MGA: variants seen among roughly 807,000 people sequenced by gnomAD.
MGA encodes the protein MAX dimerization protein MGA.
Under a neutral mutation model 261.1 loss-of-function variants are expected in MGA, and 40 were observed. That is an observed-to-expected ratio of 0.15 (90% CI 0.12 to 0.20). The LOEUF is 0.20. MGA is among the 10% of genes least tolerant of loss of function. The probability of loss-of-function intolerance (pLI) is 1.00; values close to 1 mark genes in which losing one functional copy is unlikely to be tolerated. For synonymous variants in MGA, 1,302 were observed against 1,290.6 expected, an observed-to-expected ratio of 1.01 and a Z score of -0.19; for missense variants, 3,397 against 3,630.5, an observed-to-expected ratio of 0.94 and a Z score of 1.65.
intron 1 of MGA, among the ~76,000 whole-genome samples, chr15:41,663,716 C>T (rs1279443179): frequency 6.6e-6 from 1 of 152,016 alleles, no homozygotes; most frequent in Admixed American, 6.6e-5. Flanking sequence ...GGTGATTCGC[C>T]CGCCTCAGCC....
chr15:41,646,670 G>A (rs1278231893), intron 1 of MGA, among the ~76,000 whole-genome samples: 5 of 151,844 alleles, frequency 3.3e-5, no homozygotes, highest in African/African-American at 1.2e-4. Context: ...AGATCATGCC[G>A]CTGTACTCCA....
At chr15:41,736,118 C>A in intron 12 of MGA, 63 bp from the exon 13 acceptor site, 2 of 1,327,774 alleles carry the variant, frequency 1.5e-6, no homozygotes, top group Admixed American at 3.0e-5. Context: ...GAGTTTCATA[C>A]AAAATGCTGT....
chr15:41,741,114 C>T lies in MGA; in HGVS notation c.4585+911C>T, dbSNP rs762954174. ...CTGTAATTCCAGCACTTTGGGAGGCCGAGGCGGGTGGATCACGAGGTCAAG... is the reference window on the plus strand; with the variant it reads ...CTGTAATTCCAGCACTTTGGGAGGCTGAGGCGGGTGGATCACGAGGTCAAG... On this transcript the variant is annotated intron_variant, in intron 14 of 23. Coordinates refer to ENST00000219905, the MANE Select transcript of MGA (RefSeq NM_001164273.2). Among the ~76,000 whole-genome samples the T allele has an allele frequency of 1.3e-4, 20 of 151,966 alleles. No homozygotes were observed. The East Asian group carries it at 1.4e-3, about 10-fold the overall frequency.
At position 41,749,389 on chromosome 15, in the gene MGA, G is replaced by C; in HGVS notation, c.5782G>C (p.Gly1928Arg). ...AACCAAAATAACTTATAGCTCAGGA[G>C]GACAGCCTGTTGGTACAGCCAGTCT... Residue 1928 changes from glycine to arginine, a missense_variant, in exon 17 of 24, where the codon GGA becomes CGA. Gly to Arg is a moderately radical substitution (Grantham distance 125). This residue lies in a region of MGA where 1,410 missense variants were observed against 1,386.4 expected (regional missense o/e 1.02). Transcript: ENST00000219905. The C allele has an allele frequency of 6.2e-7, 1 of 1,613,998 alleles. No individual in the cohort carries two copies. The highest frequency in any genetic ancestry group is 8.5e-7 in the Non-Finnish European group (1 of 1,179,894).
At chr15:41,623,465 C>G (rs2056359208) in intron 1 of MGA, among the ~76,000 whole-genome samples, 1 of 151,960 alleles carries the variant, frequency 6.6e-6, no homozygotes, top group African/African-American at 2.4e-5. Flanking sequence ...AATAAAATTG[C>G]CGGGTGTGGT....
chr15:41,730,794 A>G (rs1466824450), intron 11 of MGA, among the ~76,000 whole-genome samples: 5 of 152,188 alleles, frequency 3.3e-5, no homozygotes, highest in African/African-American at 1.2e-4. Flanking sequence ...ATAATATTCA[A>G]AGTAAATCCC....
intron 14 of MGA, among the ~76,000 whole-genome samples, 158 bp downstream of exon 14, chr15:41,740,361 T>G (rs2062024952): frequency 6.6e-6 from 1 of 152,184 alleles, no homozygotes; most frequent in African/African-American, 2.4e-5. Context: ...TTGTTTGGGG[T>G]TAACGTCTGA....
intron 2 of MGA, among the ~76,000 whole-genome samples, chr15:41,685,281 G>GT (rs1172602527): frequency 1.3e-5 from 2 of 152,148 alleles, no homozygotes; most frequent in African/African-American, 4.8e-5. Context: ...GCACAGGTAG[G>GT]TTTATTTTAT....
chr15:41,626,445 G>A (rs544051905), intron 1 of MGA, among the ~76,000 whole-genome samples: 15 of 151,854 alleles, frequency 9.9e-5, no homozygotes, highest in African/African-American at 2.9e-4. Flanking sequence ...TTTTTTAGAC[G>A]GAGTTTTACT....
At chr15:41,660,692 C>T (rs1003887880) in intron 1 of MGA, among the ~76,000 whole-genome samples, 167 bp downstream of exon 1, 15 of 152,202 alleles carry the variant, frequency 9.9e-5, no homozygotes, top group Non-Finnish European at 1.9e-4. Flanking sequence ...TTTGGCGCGC[C>T]CCTGTGGTCC....
chr15:41,720,488 T>C (rs2060881723), intron 9 of MGA, among the ~76,000 whole-genome samples: 1 of 152,170 alleles, frequency 6.6e-6, no homozygotes, highest in South Asian at 2.1e-4. Flanking sequence ...TGAGCCGTGA[T>C]AGTGCCACTG....
At chr15:41,688,189 C>T (rs1435852144) in intron 2 of MGA, among the ~76,000 whole-genome samples, 2 of 152,254 alleles carry the variant, frequency 1.3e-5, no homozygotes, top group African/African-American at 4.8e-5. Context: ...GATTCTCCTG[C>T]CTCAGCTTCC....
intron 5 of MGA, 95 bp from the exon 6 acceptor site, chr15:41,707,633 C>G (rs946640056): frequency 5.9e-6 from 7 of 1,192,650 alleles, no homozygotes; most frequent in Non-Finnish European, 8.1e-6. Context: ...GACCTTACCC[C>G]CCCGCCATCT....
chr15:41,635,587 G>A lies in MGA; in HGVS notation c.-68+14289G>A, dbSNP rs140750710. 5.2e-3 allele frequency among the ~76,000 whole-genome samples: 791 copies of A among 151,464 alleles called. 10 individuals are homozygous for A. The highest frequency in any genetic ancestry group is 0.018 in the African/African-American group (757 of 41,292). ...GGCATGTGCCTGTGGGCCCAGGTACGTGGGAGGCTGAGGTGAGTGGATTGC... is the reference window on the plus strand; with the variant it reads ...GGCATGTGCCTGTGGGCCCAGGTACATGGGAGGCTGAGGTGAGTGGATTGC... On this transcript the variant is annotated intron_variant, in intron 1 of 8. Coordinates refer to the MGA transcript ENST00000566718.
chr15:41,664,608 CGTG>C (rs2057620544), intron 1 of MGA, among the ~76,000 whole-genome samples: 1 of 152,066 alleles, frequency 6.6e-6, no homozygotes, highest in African/African-American at 2.4e-5. Flanking sequence ...GTTGTGCTCA[CGTG>C]GAACACATAC....
chr15:41,690,605 AGCACTTTGGGAG>A (rs2059226070), intron 2 of MGA, among the ~76,000 whole-genome samples: 1 of 152,192 alleles, frequency 6.6e-6, no homozygotes, highest in Non-Finnish European at 1.5e-5. Flanking sequence ...TTAAAATCTC[AGCACTTTGGGAG>A]GCCAAGGCAG....
At chr15:41,643,711 T>C (rs1456936751) in intron 1 of MGA, among the ~76,000 whole-genome samples, 2 of 152,072 alleles carry the variant, frequency 1.3e-5, no homozygotes, top group Non-Finnish European at 2.9e-5. Flanking sequence ...TTTAATTTGA[T>C]GAAGTCCAGG....
intron 1 of MGA, among the ~76,000 whole-genome samples, chr15:41,635,203 G>A (rs1011993773): frequency 2.0e-5 from 3 of 151,958 alleles, no homozygotes; most frequent in Admixed American, 6.6e-5. Flanking sequence ...GTGTGGTGGC[G>A]TGCACCTGTA....
At chr15:41,696,039 G>A (rs1295652973) in intron 2 of MGA, 36 bp from the exon 3 acceptor site, 2 of 1,287,810 alleles carry the variant, frequency 1.6e-6, no homozygotes, top group Admixed American at 4.8e-5. Context: ...GGATCATTTT[G>A]TACTTTTAAA....
Sources: gnomAD v4.1 joint callset for allele counts (sites outside exome capture counted in the v4.1 genomes callset) on GRCh38, gnomAD v4.1.1 for gene constraint, gnomAD v4.1.1 regional missense constraint, MANE v1.5 for transcripts, NCBI Gene and HGNC (gene_info 2026-07-23, HGNC 2026-07-21) for gene names.